Variants in SGCD observed in about 807,000 individuals in gnomAD.
SGCD encodes delta-sarcoglycan.
A neutral mutation model predicts 36.6 loss-of-function variants in SGCD; 18 were observed. That is an observed-to-expected ratio of 0.49 (90% CI 0.34 to 0.73). The LOEUF is 0.73. SGCD is among the 30% of genes least tolerant of loss of function. The pLI is 0.01. For synonymous variants in SGCD, 133 were observed against 130.6 expected (o/e 1.02, Z -0.12); for missense variants, 387 against 346.7 (o/e 1.12, Z -0.92).
the SGCD span, among the ~76,000 whole-genome samples, chr5:155,850,152 A>G: frequency 6.6e-6 from 1 of 151,668 alleles, no homozygotes; most frequent in Non-Finnish European, 1.5e-5. Flanking sequence ...CTTGTATGTA[A>G]TCTGTTTGAT....
At chr5:155,865,734 C>G (rs990621396), upstream of SGCD, among the ~76,000 whole-genome samples, 4 of 152,176 alleles carry the variant, frequency 2.6e-5, no homozygotes, top group African/African-American at 9.6e-5. Context: ...TTAAAAGTCA[C>G]ATGTGTTACT....
At chr5:156,733,178 C>A (rs781290219) in intron 7 of SGCD, among the ~76,000 whole-genome samples, 4 of 151,940 alleles carry the variant, frequency 2.6e-5, no homozygotes, top group Non-Finnish European at 4.4e-5. Context: ...TCTAACTTGT[C>A]CATGTGAGCA....
intron 2 of SGCD, among the ~76,000 whole-genome samples, chr5:156,334,783 A>G (rs546948581): frequency 2.0e-5 from 3 of 152,074 alleles, no homozygotes; most frequent in African/African-American, 7.2e-5. Flanking sequence ...TTGCTCATTG[A>G]TATATCCCAG....
At chr5:156,426,683 T>G (rs1198164976) in intron 3 of SGCD, among the ~76,000 whole-genome samples, 1 of 152,134 alleles carries the variant, frequency 6.6e-6, no homozygotes, top group Non-Finnish European at 1.5e-5. Context: ...TGAAGAACAT[T>G]TATGGTTTCA....
intron 3 of SGCD, among the ~76,000 whole-genome samples, chr5:156,130,332 T>C (rs1437443360): frequency 6.6e-6 from 1 of 152,198 alleles, no homozygotes; most frequent in African/African-American, 2.4e-5. Flanking sequence ...TTTAATGGGG[T>C]TGCTTGTTTT....
At chr5:156,044,720 A>G (rs1183324562) in intron 1 of SGCD, among the ~76,000 whole-genome samples, 1 of 152,198 alleles carries the variant, frequency 6.6e-6, no homozygotes, top group African/African-American at 2.4e-5. Context: ...ATGATATTTC[A>G]TTTTTATGGA....
intron 3 of SGCD, among the ~76,000 whole-genome samples, chr5:156,174,426 G>C (rs138741372): frequency 2.0e-5 from 3 of 152,274 alleles, no homozygotes; most frequent in African/African-American, 7.2e-5. Flanking sequence ...TGAACTGTGG[G>C]GAACAGGGCC....
rs181351778 is a variant in SGCD, at chr5:156,581,510, A to G, written c.295-7721A>G. On this transcript the variant is annotated intron_variant, in intron 4 of 8. Coordinates refer to ENST00000337851, the MANE Select transcript of SGCD (RefSeq NM_000337.6). ...AGTTTCTGCTGCCTTTTTTTCAGCT[A>G]TACCCTGCCCCCTGAGTTGGAGTCT... 1.3e-3 allele frequency among the ~76,000 whole-genome samples: 193 copies of G among 152,300 alleles called. 1 individual carries two copies. The highest frequency in any genetic ancestry group is 3.9e-3 in the African/African-American group (163 of 41,570).
chr5:156,298,035 G>T (rs1320851558), intron 3 of SGCD, among the ~76,000 whole-genome samples: 1 of 151,706 alleles, frequency 6.6e-6, no homozygotes, highest in East Asian at 1.9e-4. Context: ...AATATGCAAA[G>T]TTTTTCTTCC....
chr5:156,487,069 C>G (rs923776675), intron 3 of SGCD, among the ~76,000 whole-genome samples: 1 of 152,156 alleles, frequency 6.6e-6, no homozygotes, highest in African/African-American at 2.4e-5. Context: ...CTCACTACCA[C>G]CAGAGGTGGT....
At chr5:155,975,320 A>G (rs1044166428) in intron 1 of SGCD, among the ~76,000 whole-genome samples, 6 of 152,194 alleles carry the variant, frequency 3.9e-5, no homozygotes, top group Non-Finnish European at 5.9e-5. Flanking sequence ...ATCAAGGACT[A>G]TTTTGTCCCC....
intron 3 of SGCD, among the ~76,000 whole-genome samples, chr5:156,217,836 CAT>C (rs1300764964): frequency 1.3e-5 from 2 of 151,998 alleles, no homozygotes; most frequent in African/African-American, 4.8e-5. Flanking sequence ...CACACACACA[CAT>C]ACATGTGTGA....
chr5:155,743,591 A>G, the SGCD span, among the ~76,000 whole-genome samples: 44 of 152,220 alleles, frequency 2.9e-4, no homozygotes, highest in Admixed American at 2.1e-3. Context: ...CAAATATTCT[A>G]TATTTTCACT....
At chr5:156,675,421 C>T (rs985250485) in intron 7 of SGCD, among the ~76,000 whole-genome samples, 1 of 152,168 alleles carries the variant, frequency 6.6e-6, no homozygotes, top group Non-Finnish European at 1.5e-5. Context: ...TAATGGTCAG[C>T]AACAGGTTAA....
intron 3 of SGCD, among the ~76,000 whole-genome samples, chr5:156,454,654 G>A (rs760560646): frequency 1.3e-5 from 2 of 152,258 alleles, no homozygotes; most frequent in African/African-American, 4.8e-5. Context: ...TTCATGGGGT[G>A]CAGGTGAGCC....
At chr5:156,426,260 ACTCCTCTAAG>A (rs1773667015) in intron 3 of SGCD, among the ~76,000 whole-genome samples, 1 of 151,492 alleles carries the variant, frequency 6.6e-6, no homozygotes, top group South Asian at 2.1e-4. Flanking sequence ...TTACCACCTT[ACTCCTCTAAG>A]CTGGAGGAGT....
At chr5:156,434,680 T>C (rs1221042344) in intron 3 of SGCD, among the ~76,000 whole-genome samples, 1 of 152,126 alleles carries the variant, frequency 6.6e-6, no homozygotes, top group African/African-American at 2.4e-5. Context: ...GAAAACCAAA[T>C]TAGCCAAACT....
chr5:156,287,627 T>TTGTGTGTGTGTGTG (rs70982002), intron 3 of SGCD, among the ~76,000 whole-genome samples: 11 of 146,288 alleles, frequency 7.5e-5, no homozygotes, highest in African/African-American at 2.0e-4. Context: ...TTCCGTTTCT[T>TTGTGTGTGTGTGTG]TGTGTGTGTG....
At chr5:155,790,414 A>G in the SGCD span, among the ~76,000 whole-genome samples, 3 of 152,102 alleles carry the variant, frequency 2.0e-5, no homozygotes, top group Non-Finnish European at 2.9e-5. Context: ...TTTAAATGCT[A>G]GCATGGAGAC....
Sources: allele counts gnomAD v4.1 joint callset (sites outside exome capture counted in the v4.1 genomes callset), GRCh38; gene constraint gnomAD v4.1.1; transcripts MANE v1.5; gene names NCBI Gene and HGNC (gene_info 2026-07-23, HGNC 2026-07-21).